Variants in PCCA observed in about 807,000 individuals in gnomAD.
PCCA encodes propionyl-CoA carboxylase subunit alpha, also known as propionyl-CoA carboxylase alpha chain, mitochondrial.
In PCCA, 74 loss-of-function variants were observed where a neutral mutation model predicts 101.3. That is an observed-to-expected ratio of 0.73 (90% CI 0.61 to 0.89). The LOEUF is 0.89. Among genes scored for constraint, PCCA ranks in the 40% least tolerant of loss-of-function variants. The pLI, the probability that PCCA is intolerant of heterozygous loss-of-function variation, is 0.00. For synonymous variants in PCCA, 294 were observed against 313.6 expected, an observed-to-expected ratio of 0.94 and a Z score of 0.66; for missense variants, 891 against 907.0, an observed-to-expected ratio of 0.98 and a Z score of 0.23.
At chr13:100,492,288 C>T (rs1023497205) in intron 21 of PCCA, among the ~76,000 whole-genome samples, 1 of 152,118 alleles carries the variant, frequency 6.6e-6, no homozygotes. Context: ...GTGCCCGCCA[C>T]CATGCCTGGC....
At chr13:100,519,385 C>T (rs368976969) in intron 22 of PCCA, among the ~76,000 whole-genome samples, 2 of 152,378 alleles carry the variant, frequency 1.3e-5, no homozygotes, top group African/African-American at 4.8e-5. Flanking sequence ...AGATCCACCT[C>T]GTGATGGAAT....
At chr13:100,524,994 TAG>T (rs2087652079) in intron 22 of PCCA, among the ~76,000 whole-genome samples, 1 of 119,794 alleles carries the variant, frequency 8.3e-6, no homozygotes, top group Non-Finnish European at 1.9e-5. Context: ...GATAGATAGA[TAG>T]ATAGATAGAT....
intron 21 of PCCA, among the ~76,000 whole-genome samples, chr13:100,482,907 G>C (rs2084063046): frequency 6.6e-6 from 1 of 152,194 alleles, no homozygotes; most frequent in African/African-American, 2.4e-5. Flanking sequence ...TTACAGTCTT[G>C]ATAGTGAAGG....
At chr13:100,419,529 C>T (rs1263196600) in intron 19 of PCCA, among the ~76,000 whole-genome samples, 1 of 150,680 alleles carries the variant, frequency 6.6e-6, no homozygotes, top group Non-Finnish European at 1.5e-5. Context: ...TTTCACAATA[C>T]AGTTTTAGTA....
chr13:100,096,762 A>G (rs2046810219), intron 1 of PCCA, among the ~76,000 whole-genome samples: 1 of 152,258 alleles, frequency 6.6e-6, no homozygotes, highest in Non-Finnish European at 1.5e-5. Context: ...TAGAAGATCA[A>G]ACCAGCCACA....
At chr13:100,254,538 A>C (rs1353180521) in intron 8 of PCCA, among the ~76,000 whole-genome samples, 1 of 152,080 alleles carries the variant, frequency 6.6e-6, no homozygotes, top group Non-Finnish European at 1.5e-5. Flanking sequence ...TTTTCCTTCC[A>C]CTTCCCATTT....
At chr13:100,507,527 C>T (rs1413490632) in intron 21 of PCCA, among the ~76,000 whole-genome samples, 1 of 152,184 alleles carries the variant, frequency 6.6e-6, no homozygotes, top group African/African-American at 2.4e-5. Context: ...GCTCTTTTCC[C>T]GCCACATCAG....
chr13:100,243,620 T>G (rs1421615598), intron 8 of PCCA, among the ~76,000 whole-genome samples: 1 of 152,222 alleles, frequency 6.6e-6, no homozygotes, highest in African/African-American at 2.4e-5. Context: ...TAATAGAAAT[T>G]TATAGGAATC....
chr13:100,355,382 C>T (rs1230190719), intron 18 of PCCA, among the ~76,000 whole-genome samples: 1 of 152,052 alleles, frequency 6.6e-6, no homozygotes, highest in African/African-American at 2.4e-5. Flanking sequence ...GTCAACTTAC[C>T]TCTTTTTGCA....
intron 21 of PCCA, among the ~76,000 whole-genome samples, chr13:100,471,581 A>G (rs892485087): frequency 6.6e-6 from 1 of 152,190 alleles, no homozygotes; most frequent in African/African-American, 2.4e-5. Context: ...ATAGTATCTA[A>G]GTTTCTTCTC....
intron 2 of PCCA, among the ~76,000 whole-genome samples, chr13:100,110,996 A>G (rs2048255713): frequency 6.6e-6 from 1 of 150,712 alleles, no homozygotes; most frequent in South Asian, 2.1e-4. Context: ...CACGCCGGCT[A>G]ATTTTTGTAT....
intron 4 of PCCA, among the ~76,000 whole-genome samples, chr13:100,117,584 G>T (rs545192299): frequency 6.6e-6 from 1 of 152,110 alleles, no homozygotes; most frequent in East Asian, 1.9e-4. Flanking sequence ...GAAGACACTT[G>T]GACACAGGGT....
At chr13:100,100,443 A>G (rs2047169777) in intron 1 of PCCA, among the ~76,000 whole-genome samples, 1 of 152,248 alleles carries the variant, frequency 6.6e-6, no homozygotes, top group Admixed American at 6.5e-5. Context: ...CTTTGTTGCT[A>G]GGAAATACCT....
intron 12 of PCCA, among the ~76,000 whole-genome samples, chr13:100,284,806 C>A (rs187569728): frequency 2.0e-5 from 3 of 152,228 alleles, no homozygotes; most frequent in Non-Finnish European, 4.4e-5. Flanking sequence ...CACATCCCAA[C>A]TTAGGTGGAC....
chr13:100,298,363 A>G (rs1681519896), intron 12 of PCCA, among the ~76,000 whole-genome samples: 1 of 152,092 alleles, frequency 6.6e-6, no homozygotes, highest in African/African-American at 2.4e-5. Flanking sequence ...TCTTTCCTAA[A>G]CAATCTGTTG....
intron 21 of PCCA, among the ~76,000 whole-genome samples, chr13:100,501,428 A>G (rs1594031411): frequency 6.6e-6 from 1 of 152,150 alleles, no homozygotes; most frequent in East Asian, 1.9e-4. Context: ...CCAGCAGCGC[A>G]TTGTCAGCTG....
intron 6 of PCCA, among the ~76,000 whole-genome samples, chr13:100,187,308 A>G (rs1438588758): frequency 6.6e-6 from 1 of 152,256 alleles, no homozygotes; most frequent in African/African-American, 2.4e-5. Flanking sequence ...AATCAAGATT[A>G]TGACTTTGTA....
At chr13:100,183,771 A>G (rs1007276251) in intron 6 of PCCA, among the ~76,000 whole-genome samples, 1 of 152,084 alleles carries the variant, frequency 6.6e-6, no homozygotes, top group African/African-American at 2.4e-5. Flanking sequence ...GTAAGCCCGG[A>G]AGGCGAGGGG....
intron 4 of PCCA, among the ~76,000 whole-genome samples, chr13:100,130,049 T>C (rs1436507252): frequency 6.6e-6 from 1 of 152,250 alleles, no homozygotes; most frequent in African/African-American, 2.4e-5. Flanking sequence ...CACTGTGCCA[T>C]CCTTTTTTTG....
Sources: gnomAD v4.1 joint callset for allele counts (sites outside exome capture counted in the v4.1 genomes callset) on GRCh38, gnomAD v4.1.1 for gene constraint, MANE v1.5 for transcripts, NCBI Gene and HGNC (gene_info 2026-07-23, HGNC 2026-07-21) for gene names.